HECW2: variants seen among roughly 807,000 people sequenced by gnomAD.
The protein encoded by HECW2 is E3 ubiquitin-protein ligase HECW2.
A neutral mutation model predicts 175.2 loss-of-function variants in HECW2; 61 were observed. The ratio of observed to expected loss-of-function variants is 0.35; its 90% CI spans 0.28 to 0.43. The LOEUF is 0.43. Ranked by LOEUF, HECW2 falls within the 20% of genes least tolerant of loss-of-function variation. The pLI, the probability that HECW2 is intolerant of heterozygous loss-of-function variation, is 1.00. For synonymous variants in HECW2, 671 were observed against 731.0 expected, an observed-to-expected ratio of 0.92 and a Z score of 1.32; for missense variants, 1,524 against 2,000.5, an observed-to-expected ratio of 0.76 and a Z score of 4.54.
At chr2:196,321,215 G>A (rs1691928753) in intron 7 of HECW2, among the ~76,000 whole-genome samples, 1 of 152,170 alleles carries the variant, frequency 6.6e-6, no homozygotes. Context: ...AGATCTGGAA[G>A]CAGGTTTAGT....
chr2:196,437,961 C>T (rs1355339931), intron 1 of HECW2, among the ~76,000 whole-genome samples: 2 of 151,970 alleles, frequency 1.3e-5, no homozygotes, highest in South Asian at 2.1e-4. Flanking sequence ...GGCTGGATGG[C>T]GAAGAGGAGG....
At chr2:196,380,999 T>G (rs978203648) in intron 2 of HECW2, among the ~76,000 whole-genome samples, 1 of 152,136 alleles carries the variant, frequency 6.6e-6, no homozygotes, top group Non-Finnish European at 1.5e-5. Flanking sequence ...AATGTGGTGG[T>G]GGGGGTTCTC....
chr2:196,582,741 C>T (rs1262124169), intron 1 of HECW2, among the ~76,000 whole-genome samples: 2 of 152,156 alleles, frequency 1.3e-5, no homozygotes, highest in Non-Finnish European at 2.9e-5. Context: ...ACGTGAATTT[C>T]GTTTGGCATG....
At chr2:196,383,160 A>G (rs1694255262) in intron 2 of HECW2, among the ~76,000 whole-genome samples, 1 of 152,212 alleles carries the variant, frequency 6.6e-6, no homozygotes, top group African/African-American at 2.4e-5. Flanking sequence ...GAAGTGATGA[A>G]GAAAAATGCA....
chr2:196,565,774 T>G (rs1477509564), intron 1 of HECW2, among the ~76,000 whole-genome samples: 1 of 152,194 alleles, frequency 6.6e-6, no homozygotes, highest in East Asian at 1.9e-4. Context: ...TAATTGTCTA[T>G]AAAATAATAA....
chr2:196,252,178 A>AAATAATAATAATAATAAT (rs10666310), intron 19 of HECW2, among the ~76,000 whole-genome samples: 1,899 of 133,196 alleles, frequency 0.014, 22 homozygotes, highest in Middle Eastern at 0.022. Flanking sequence ...CTCCGATTCA[A>AAATAATAATAATAATAAT]AATAATAATA....
intron 2 of HECW2, chr2:196,362,081 G>A (rs1337642567): frequency 1.7e-5 from 17 of 985,080 alleles, no homozygotes; most frequent in South Asian, 4.7e-5. Context: ...ACAGGATTCC[G>A]GCAGGTCTCT....
chr2:196,450,104 A>G (rs894535109), intron 1 of HECW2, among the ~76,000 whole-genome samples: 8 of 152,224 alleles, frequency 5.3e-5, no homozygotes, highest in African/African-American at 7.2e-5. Flanking sequence ...CAGTATGCCT[A>G]AGGCAAAGTC....
chr2:196,511,652 T>C (rs1378049220), intron 1 of HECW2, among the ~76,000 whole-genome samples: 1 of 152,202 alleles, frequency 6.6e-6, no homozygotes, highest in African/African-American at 2.4e-5. Flanking sequence ...AAAAGTGCTA[T>C]GAGGAAATAT....
At chr2:196,496,745 G>A (rs1381844584) in intron 1 of HECW2, among the ~76,000 whole-genome samples, 1 of 152,138 alleles carries the variant, frequency 6.6e-6, no homozygotes, top group African/African-American at 2.4e-5. Context: ...TAACCTCACT[G>A]GCCTGTAAAA....
chr2:196,577,898 T>A (rs1346221499), intron 1 of HECW2, among the ~76,000 whole-genome samples: 1 of 152,090 alleles, frequency 6.6e-6, no homozygotes, highest in Non-Finnish European at 1.5e-5. Flanking sequence ...CAATACCACA[T>A]CCTCGAGAGG....
intron 1 of HECW2, among the ~76,000 whole-genome samples, chr2:196,456,465 C>G (rs1297550311): frequency 6.6e-6 from 1 of 152,192 alleles, no homozygotes. Flanking sequence ...CTTCCATAAG[C>G]ACTTTCTGTA....
chr2:196,344,453 G>A (rs1050181413), intron 2 of HECW2, among the ~76,000 whole-genome samples: 1 of 151,458 alleles, frequency 6.6e-6, no homozygotes, highest in African/African-American at 2.4e-5. Context: ...CACAAAGAAA[G>A]TGGTAGTATT....
intron 2 of HECW2, among the ~76,000 whole-genome samples, chr2:196,394,011 G>A (rs1278138278): frequency 6.6e-6 from 1 of 152,168 alleles, no homozygotes; most frequent in Non-Finnish European, 1.5e-5. Context: ...TAGGGACATG[G>A]ATGAAGCTGG....
intron 1 of HECW2, among the ~76,000 whole-genome samples, chr2:196,434,569 G>A (rs984096305): frequency 2.0e-5 from 3 of 152,110 alleles, no homozygotes; most frequent in African/African-American, 4.8e-5. Context: ...ATCTACCAGC[G>A]CCTTACCTGT....
At chr2:196,401,869 T>C (rs994062835) in intron 2 of HECW2, among the ~76,000 whole-genome samples, 5 of 152,134 alleles carry the variant, frequency 3.3e-5, no homozygotes, top group Admixed American at 3.3e-4. Context: ...TACTATGTTC[T>C]CAAATGGAGA....
At chr2:196,502,315 G>T (rs1344094767) in intron 1 of HECW2, among the ~76,000 whole-genome samples, 1 of 152,080 alleles carries the variant, frequency 6.6e-6, no homozygotes, top group African/African-American at 2.4e-5. Flanking sequence ...CGTCATCCTA[G>T]AATGGATATT....
chr2:196,233,226 G>A (rs4241188), intron 21 of HECW2, among the ~76,000 whole-genome samples: 120,987 of 152,052 alleles, frequency 0.8, 50,564 homozygotes, highest in Non-Finnish European at 0.92. Context: ...TGGACGACGG[G>A]TGTGTAGCCG....
chr2:196,417,608 A>G (rs567583028), intron 2 of HECW2, among the ~76,000 whole-genome samples: 1 of 152,324 alleles, frequency 6.6e-6, no homozygotes, highest in East Asian at 1.9e-4. Context: ...ATAGCACTCC[A>G]TTCAGGCAAA....
Sources: gnomAD v4.1 joint callset for allele counts (sites outside exome capture counted in the v4.1 genomes callset) on GRCh38, gnomAD v4.1.1 for gene constraint, MANE v1.5 for transcripts, NCBI Gene and HGNC (gene_info 2026-07-23, HGNC 2026-07-21) for gene names.